Variants in DNAH10 observed in about 807,000 individuals in gnomAD.
DNAH10 encodes axonemal beta dynein heavy chain 10.
A neutral mutation model predicts 506.6 loss-of-function variants in DNAH10; 348 were observed. The ratio of observed to expected loss-of-function variants is 0.69; its 90% CI spans 0.63 to 0.75. The LOEUF (loss-of-function observed/expected upper bound fraction) is 0.75. Among genes scored for constraint, DNAH10 ranks in the 30% least tolerant of loss-of-function variants. The pLI, the probability that DNAH10 is intolerant of heterozygous loss-of-function variation, is 0.00. For missense variants in DNAH10, 5,179 were observed against 5,787.1 expected (o/e 0.89, Z 3.41); for synonymous variants, 2,059 against 2,198.6 (o/e 0.94, Z 1.78).
intron 3 of DNAH10, 23 bp downstream of exon 3, chr12:123,771,721 G>C: frequency 6.3e-7 from 1 of 1,583,988 alleles, no homozygotes; most frequent in Non-Finnish European, 8.6e-7. Flanking sequence ...CTTTGTCCTT[G>C]TTGGTGGGGT....
At chr12:123,838,013 A>C (rs187853708) in intron 28 of DNAH10, among the ~76,000 whole-genome samples, 21 of 152,226 alleles carry the variant, frequency 1.4e-4, no homozygotes, top group Non-Finnish European at 2.5e-4. Context: ...CATTGAGGCT[A>C]TTTCTTTCTT....
At chr12:123,837,402 A>C (rs1470973283) in intron 28 of DNAH10, among the ~76,000 whole-genome samples, 1 of 151,822 alleles carries the variant, frequency 6.6e-6, no homozygotes, top group African/African-American at 2.4e-5. Context: ...ATTACAGAAT[A>C]CTTTAGAAAT....
At chr12:123,829,062 C>T (rs111557837) in intron 25 of DNAH10, among the ~76,000 whole-genome samples, 2,294 of 152,218 alleles carry the variant, frequency 0.015, 64 homozygotes, top group African/African-American at 0.052. Flanking sequence ...ATGGGTTTTG[C>T]GAAACAGATT....
In DNAH10 at chr12:123,907,760, C is replaced by T. The variant is rs989589443; in HGVS notation, c.9816-1501C>T. Among the ~76,000 whole-genome samples the T allele has an allele frequency of 3.9e-5, 6 of 152,274 alleles. No homozygotes were observed. Among genetic ancestry groups the T allele is most frequent in the African/African-American group, 1.2e-4 (5 of 41,550 alleles). ...ACCTGCTTGTTCACAGAGCGGTGGC[C>T]GGGGCCTGGTTTCCATCCACCCTGA... On this transcript the variant is annotated intron_variant, in intron 57 of 78. Transcript: ENST00000673944. The surrounding 1 kb of genome is among the most constrained non-coding windows in gnomAD (Gnocchi z 4.4).
rs1957258859 is a variant in DNAH10 at position 123,771,690 on chromosome 12, C to A, written c.388C>A (p.Pro130Thr). The change falls in exon 3 of 79, where the codon CCT becomes ACT. Residue 130 changes from proline (P) to threonine (T), a missense_variant. Pro to Thr is a conservative substitution (Grantham distance 38). Transcript: ENST00000673944. The part of the protein sequence containing the change: ...EMDKEISEKL[P>T]SKRTAKHIME... ...GGACAAAGAGATTTCAGAAAAACTC[C>A]CTTCCAAAGTAAGCATGGCTCTTTG... 6.2e-7 allele frequency: 1 copy of A among 1,610,710 alleles called. No homozygotes were observed. The highest frequency in any genetic ancestry group is 2.2e-5 in the East Asian group (1 of 44,826).
rs1023783431 is a variant in DNAH10 at position 123,785,769 on chromosome 12, C to T, written c.1254C>T (p.Phe418=). The T allele has an allele frequency of 6.2e-6, 10 of 1,613,356 alleles. No individual in the cohort carries two copies. Among genetic ancestry groups the T allele is most frequent in the Non-Finnish European group, 8.5e-6 (10 of 1,179,358 alleles). Residue 418 remains phenylalanine, a synonymous_variant, in exon 9 of 79, where the codon TTC becomes TTT. Transcript: ENST00000673944. This position sits in a 1 kb window ranked among gnomAD's most constrained non-coding sequence, Gnocchi z 4.1. ...AGAACATAACGCACGGGTCTGGCTTCCACGTGGTCCTGGACACCATCCCCG... is the reference window on the plus strand; with the variant it reads ...AGAACATAACGCACGGGTCTGGCTTTCACGTGGTCCTGGACACCATCCCCG... The part of the protein sequence containing the change: ...YFKNITHGSG[F]HVVLDTIPAM...
intron 54 of DNAH10, among the ~76,000 whole-genome samples, chr12:123,896,566 G>A (rs561069099): frequency 2.6e-5 from 4 of 152,128 alleles, no homozygotes; most frequent in Admixed American, 6.5e-5. Flanking sequence ...CCCAGTCCTC[G>A]GGCGGGCGAG....
chr12:123,784,781 T>C (rs192058660), intron 8 of DNAH10, among the ~76,000 whole-genome samples: 4 of 152,236 alleles, frequency 2.6e-5, no homozygotes, highest in Admixed American at 2.6e-4. Flanking sequence ...TTCTGCTTTC[T>C]GTCTTTGTAA....
chr12:123,833,571 A>G (rs1193465919), intron 27 of DNAH10, among the ~76,000 whole-genome samples: 4 of 152,124 alleles, frequency 2.6e-5, no homozygotes, highest in Non-Finnish European at 5.9e-5. Flanking sequence ...CATTTCCAAG[A>G]TTCCTAATTG....
chr12:123,765,493 T>C lies in DNAH10; in HGVS notation c.215-2113T>C, dbSNP rs78379697. 8.3e-3 allele frequency among the ~76,000 whole-genome samples: 1,264 copies of C among 152,262 alleles called. 33 individuals carry two copies. Among genetic ancestry groups the C allele is most frequent in the Admixed American group, 0.054 (828 of 15,290 alleles). On this transcript the variant is annotated intron_variant, in intron 1 of 78. Coordinates refer to ENST00000673944, the MANE Select transcript of DNAH10 (RefSeq NM_001372106.1). ...GTTGGCTCTTTTGTCAAATTATCAG[T>C]CAATCAATCAGCCAATCACCTACCA...
chr12:123,858,770 C>G (rs959295116), intron 37 of DNAH10, among the ~76,000 whole-genome samples: 2 of 152,152 alleles, frequency 1.3e-5, no homozygotes, highest in Admixed American at 6.5e-5. Flanking sequence ...GAATGCAGCA[C>G]GCGTGCTACA....
In DNAH10 at chr12:123,907,036, G is replaced by GC. The variant is rs1267130195; in HGVS notation, c.9816-2222dup. ...GGTGTCTGTCCCCCACCCCACCCCT[G>GC]CCCTGAGCAGGCACTGGGGCCCATC... is the stretch of plus-strand genomic sequence containing the variant. On this transcript the variant is annotated intron_variant, in intron 57 of 78. Transcript: ENST00000673944. The surrounding 1 kb of genome is among the most constrained non-coding windows in gnomAD (Gnocchi z 4.4). Among the ~76,000 whole-genome samples the GC allele has an allele frequency of 6.6e-6, 1 of 152,234 alleles. No individual in the cohort carries two copies. Among genetic ancestry groups the GC allele is most frequent in the Non-Finnish European group, 1.5e-5 (1 of 68,050 alleles).
chr12:123,835,551 A>G (rs553082943), intron 28 of DNAH10, 23 bp downstream of exon 28: 1 of 1,600,354 alleles, frequency 6.2e-7, no homozygotes, highest in Non-Finnish European at 8.5e-7. Context: ...CTTCTATTTT[A>G]GTAATGAAAG....
intron 38 of DNAH10, among the ~76,000 whole-genome samples, chr12:123,860,630 T>C (rs1363084191): frequency 6.6e-6 from 1 of 152,200 alleles, no homozygotes; most frequent in Non-Finnish European, 1.5e-5. Flanking sequence ...AAAGCCTTGT[T>C]ATTATCGTGG....
chr12:123,884,553 G>A (rs771588261), intron 51 of DNAH10, among the ~76,000 whole-genome samples: 7 of 152,200 alleles, frequency 4.6e-5, no homozygotes, highest in Non-Finnish European at 8.8e-5. Context: ...ATGGATGGAT[G>A]ACAGCACGAA....
Position 123,864,496 on chromosome 12 carries a change from C to T in DNAH10, c.6909-99C>T, listed in dbSNP as rs184425518. On this transcript the variant is annotated intron_variant, in intron 39 of 78. Transcript: ENST00000673944. ...TGTCTCAGATACTGGGTAGAAAACC[C>T]TGGGAAAAAGACATTCAACATGAAT... is the stretch of plus-strand genomic sequence containing the variant. 180 of 1,485,588 alleles carry T rather than the reference C, an allele frequency of 1.2e-4. 2 individuals are homozygous for T. The highest frequency in any genetic ancestry group is 8.0e-4 in the East Asian group (34 of 42,330). The allele number at this position is 1,485,588 out of a possible 1,614,324, so 92.0% of individuals were successfully genotyped here.
At chr12:123,789,891 A>T (rs941068249) in intron 10 of DNAH10, 36 bp from the exon 11 acceptor site, 2 of 1,582,886 alleles carry the variant, frequency 1.3e-6, no homozygotes, top group Admixed American at 3.5e-5. Flanking sequence ...GGAAAACCCA[A>T]ATGTAATCTC....
At chr12:123,856,981 C>G in intron 36 of DNAH10, 75 bp from the exon 37 acceptor site, 1 of 1,174,974 alleles carries the variant, frequency 8.5e-7, no homozygotes, top group East Asian at 2.8e-5. Context: ...AGTGTTACCA[C>G]TGGGTTGGAA....
In DNAH10 at chr12:123,902,146, C is replaced by T. The variant is rs1204949776; in HGVS notation, c.9641-793C>T. Among the ~76,000 whole-genome samples, 8 of 152,200 alleles carry T rather than the reference C, an allele frequency of 5.3e-5. No homozygotes were observed. In the South Asian group the frequency reaches 8.3e-4, roughly 16 times the overall value. ...TCCAGCGTCTGTCTCCATTGCCACACGCCCCTCTTCCCTGTGTGTCTGCAC... is the reference window on the plus strand; with the variant it reads ...TCCAGCGTCTGTCTCCATTGCCACATGCCCCTCTTCCCTGTGTGTCTGCAC... On this transcript the variant is annotated intron_variant, in intron 56 of 78. Transcript: ENST00000673944. The surrounding 1 kb of genome is among the most constrained non-coding windows in gnomAD (Gnocchi z 4.5).
Sources: allele counts gnomAD v4.1 joint callset (sites outside exome capture counted in the v4.1 genomes callset), GRCh38; gene constraint gnomAD v4.1.1; non-coding constraint Gnocchi (gnomAD v3.1); transcripts MANE v1.5; gene names NCBI Gene and HGNC (gene_info 2026-07-23, HGNC 2026-07-21).